Variants in RTKN2 observed in about 807,000 individuals in gnomAD.
RTKN2 encodes the protein rhotekin-2.
In RTKN2, 69 loss-of-function variants were observed where a neutral mutation model predicts 71.5. That is an observed-to-expected ratio of 0.96 (90% CI 0.79 to 1.18). RTKN2 has a LOEUF of 1.18. Among genes scored for constraint, RTKN2 ranks in the 50% most tolerant of loss-of-function variants. RTKN2 has a pLI of 0.00. For missense variants in RTKN2, 724 were observed against 719.7 expected (o/e 1.01, Z -0.07); for synonymous variants, 236 against 236.5 (o/e 1.00, Z 0.02).
At position 62,268,583 on chromosome 10, in the gene RTKN2, C is replaced by T. The variant is rs375788383; in HGVS notation, c.28G>A (p.Ala10Thr). The change falls in exon 1 of 12, where the codon GCG becomes ACG. Residue 10 changes from alanine (A) to threonine (T), a missense_variant. Physicochemically the swap from Ala to Thr is moderately conservative, Grantham distance 58. Coordinates refer to ENST00000373789, the MANE Select transcript of RTKN2 (RefSeq NM_145307.4). MEGPSLRGP[A>T]LRLAGLPTQQ... ...GTGGGAAGCCCCGCCAGGCGGAGCG[C>T]AGGACCCCTCAGGCTCGGCCCCTCC... 6.4e-6 allele frequency: 10 copies of T among 1,565,670 alleles called. No homozygotes were observed. The highest frequency in any genetic ancestry group is 3.4e-4 in the Middle Eastern group (2 of 5,952).
chr10:62,210,493 T>C (rs975615118), intron 9 of RTKN2, among the ~76,000 whole-genome samples: 2 of 152,222 alleles, frequency 1.3e-5, no homozygotes, highest in Non-Finnish European at 2.9e-5. Flanking sequence ...CTATTATTAA[T>C]GCCTCTTTCT....
intron 8 of RTKN2, among the ~76,000 whole-genome samples, chr10:62,187,622 AACCACTTTT>A (rs1304697755): frequency 6.6e-6 from 1 of 152,208 alleles, no homozygotes; most frequent in African/African-American, 2.4e-5. Context: ...GATATATGTG[AACCACTTTT>A]TTTTCCTTTT....
intron 7 of RTKN2, among the ~76,000 whole-genome samples, chr10:62,219,737 C>T (rs73281965): frequency 0.021 from 3,241 of 151,586 alleles, 108 homozygotes; most frequent in African/African-American, 0.075. Context: ...GTGCTTGCAC[C>T]CAGGAGTTTG....
intron 9 of RTKN2, among the ~76,000 whole-genome samples, chr10:62,216,205 G>A (rs982565669): frequency 2.6e-5 from 4 of 151,902 alleles, no homozygotes; most frequent in African/African-American, 7.2e-5. Flanking sequence ...ATAAAAGGAC[G>A]TACAACTTTA....
chr10:62,204,601 G>A (rs1490157859), intron 10 of RTKN2, among the ~76,000 whole-genome samples: 1 of 152,146 alleles, frequency 6.6e-6, no homozygotes, highest in Non-Finnish European at 1.5e-5. Context: ...ATATGGTCTG[G>A]TTGTTTTAGT....
chr10:62,224,628 T>C (rs1841981276), intron 6 of RTKN2, among the ~76,000 whole-genome samples: 2 of 152,048 alleles, frequency 1.3e-5, no homozygotes, highest in African/African-American at 4.8e-5. Context: ...ATACCAGCAT[T>C]TGCAAGTTGG....
At chr10:62,188,232 G>T (rs1222927791), downstream of RTKN2, among the ~76,000 whole-genome samples, 2 of 152,210 alleles carry the variant, frequency 1.3e-5, no homozygotes, top group African/African-American at 2.4e-5. Context: ...AGGGTCTGCT[G>T]TCAAGGTGTC....
chr10:62,242,705 C>G (rs1374731660), intron 3 of RTKN2, among the ~76,000 whole-genome samples: 1 of 152,026 alleles, frequency 6.6e-6, no homozygotes, highest in African/African-American at 2.4e-5. Flanking sequence ...CCATCCTCCC[C>G]TACCACCCCT....
chr10:62,192,890 G>T (rs1352519529), downstream of RTKN2, among the ~76,000 whole-genome samples: 1 of 152,096 alleles, frequency 6.6e-6, no homozygotes, highest in Non-Finnish European at 1.5e-5. Context: ...TATTTTAAAA[G>T]AATTTTTTAA....
At chr10:62,184,031 G>T in exon 9 of RTKN2, 1 of 283,926 alleles carries the variant, frequency 3.5e-6, no homozygotes, top group Non-Finnish European at 6.5e-6. Flanking sequence ...CTTCACAGGA[G>T]ATATATTTAC....
At chr10:62,235,350 C>T (rs531521868) in intron 6 of RTKN2, among the ~76,000 whole-genome samples, 3 of 152,048 alleles carry the variant, frequency 2.0e-5, no homozygotes, top group Non-Finnish European at 4.4e-5. Flanking sequence ...AAAATATTTT[C>T]TATAAGAATA....
rs140782312 is a variant in RTKN2, at chr10:62,259,290, G to A, written c.257+3335C>T. ...CCTCTTTTTCTTAATACTCAGTCTC[G>A]GGTATATCTGTATTAACAGTGTGAA... On this transcript the variant is annotated intron_variant, in intron 2 of 11. Transcript: ENST00000373789. 868 of 418,194 alleles carry A rather than the reference G, an allele frequency of 2.1e-3. 6 individuals are homozygous for A. Among genetic ancestry groups the A allele is most frequent in the Non-Finnish European group, 2.9e-3 (597 of 209,382 alleles). The allele number at this position is 418,194 out of a possible 1,614,324, so 25.9% of individuals were successfully genotyped here. A position where few individuals can be genotyped will look rare whatever the true frequency, so the allele number is the denominator to read the frequency against.
chr10:62,241,638 G>T (rs1215792513), intron 3 of RTKN2, among the ~76,000 whole-genome samples: 4 of 152,008 alleles, frequency 2.6e-5, no homozygotes, highest in Non-Finnish European at 4.4e-5. Context: ...GAGTGCAGTG[G>T]TGCCATCATG....
chr10:62,222,131 C>G (rs1486078461), intron 7 of RTKN2, among the ~76,000 whole-genome samples: 1 of 152,146 alleles, frequency 6.6e-6, no homozygotes, highest in Non-Finnish European at 1.5e-5. Flanking sequence ...TTTCTTGAGA[C>G]AGGGTCTCAC....
chr10:62,261,359 C>G (rs1305606051), intron 2 of RTKN2, among the ~76,000 whole-genome samples: 1 of 152,024 alleles, frequency 6.6e-6, no homozygotes, highest in African/African-American at 2.4e-5. Flanking sequence ...ATAGCTATCC[C>G]GGCAGGGCAC....
At chr10:62,187,221 G>A (rs540301452) in intron 8 of RTKN2, among the ~76,000 whole-genome samples, 3 of 151,648 alleles carry the variant, frequency 2.0e-5, no homozygotes, top group African/African-American at 4.9e-5. Context: ...CAGAGATGAC[G>A]GCAGCTTTGT....
chr10:62,210,261 C>T (rs1169019512), intron 9 of RTKN2, among the ~76,000 whole-genome samples: 3 of 152,072 alleles, frequency 2.0e-5, no homozygotes, highest in African/African-American at 7.2e-5. Flanking sequence ...CATATGACAA[C>T]TTATATATAA....
chr10:62,241,199 T>C lies in RTKN2; in HGVS notation c.317-4A>G, dbSNP rs770328271. On this transcript the variant is annotated splice_region_variant and splice_polypyrimidine_tract_variant and intron_variant, in intron 3 of 11. Coordinates refer to ENST00000373789, the MANE Select transcript of RTKN2 (RefSeq NM_145307.4). The stretch of plus-strand genomic sequence containing the variant: ...CACATTAGTGGTATTCGAATATCTA[T>C]AAAGAAGGGAAAAAGAAATGACAAG... The C allele has an allele frequency of 2.6e-6, 4 of 1,550,920 alleles. No homozygotes were observed. Among genetic ancestry groups the C allele is most frequent in the Non-Finnish European group, 3.5e-6 (4 of 1,130,858 alleles).
chr10:62,227,987 GA>G (rs1479490293), intron 6 of RTKN2, among the ~76,000 whole-genome samples: 1 of 152,144 alleles, frequency 6.6e-6, no homozygotes, highest in Non-Finnish European at 1.5e-5. Flanking sequence ...ACAGATAAAG[GA>G]GGTAAGAATT....
Sources: gnomAD v4.1 joint callset for allele counts (sites outside exome capture counted in the v4.1 genomes callset) on GRCh38, gnomAD v4.1.1 for gene constraint, MANE v1.5 for transcripts, NCBI Gene and HGNC (gene_info 2026-07-23, HGNC 2026-07-21) for gene names.